The following SCAP variants were observed in gnomAD, a reference collection of about 807,000 sequenced individuals.
The protein encoded by SCAP is sterol regulatory element-binding protein cleavage-activating protein.
In SCAP, 65 loss-of-function variants were observed where a neutral mutation model predicts 123.6. The ratio of observed to expected loss-of-function variants is 0.53; its 90% CI spans 0.43 to 0.65. SCAP has a LOEUF of 0.65. SCAP is among the 30% of genes least tolerant of loss of function. The probability of loss-of-function intolerance (pLI) is 0.00; values close to 1 mark genes in which losing one functional copy is unlikely to be tolerated. For synonymous variants in SCAP, 740 were observed against 726.3 expected, an observed-to-expected ratio of 1.02 and a Z score of -0.30; for missense variants, 1,398 against 1,712.5, an observed-to-expected ratio of 0.82 and a Z score of 3.24.
chr3:47,415,347 CA>C (rs758423329), intron 18 of SCAP, among the ~76,000 whole-genome samples, 167 bp from the exon 19 acceptor site: 2 of 152,182 alleles, frequency 1.3e-5, no homozygotes, highest in Non-Finnish European at 1.5e-5. Context: ...AGGGCAACTC[CA>C]AATATTAACC....
chr3:47,473,138 T>A (rs572468674), intron 1 of SCAP, among the ~76,000 whole-genome samples: 1 of 140,126 alleles, frequency 7.1e-6, no homozygotes, highest in Non-Finnish European at 1.5e-5. Flanking sequence ...CATAAAAGGA[T>A]GGACTCTTTT....
intron 1 of SCAP, among the ~76,000 whole-genome samples, chr3:47,455,619 A>T (rs2107972454): frequency 6.6e-6 from 1 of 151,406 alleles, no homozygotes; most frequent in South Asian, 2.1e-4. Context: ...AAAAAAAAGA[A>T]ACCAAAAGAA....
intron 9 of SCAP, 162 bp from the exon 10 acceptor site, chr3:47,422,698 G>A (rs990700441): frequency 1.8e-6 from 1 of 564,390 alleles, no homozygotes; most frequent in African/African-American, 1.9e-5. Flanking sequence ...TCCTGCTAAT[G>A]CCCAGACTTT....
At position 47,445,874 on chromosome 3, in the gene SCAP, A is replaced by ATT. The variant is rs35996993; in HGVS notation, c.-98-2785_-98-2784dup. ...GTGTGAGCCACCACACCCTGTCTCAATTTTTTTTTTTTTTTTTTTTGAGAC... is the reference window on the plus strand; with the variant it reads ...GTGTGAGCCACCACACCCTGTCTCAATTTTTTTTTTTTTTTTTTTTTTGAGAC... On this transcript the variant is annotated intron_variant, in intron 1 of 22. Coordinates refer to ENST00000265565, the MANE Select transcript of SCAP (RefSeq NM_012235.4). 7.6e-4 allele frequency among the ~76,000 whole-genome samples: 93 copies of ATT among 122,720 alleles called. 1 individual carries two copies. Among genetic ancestry groups the ATT allele is most frequent in the African/African-American group, 2.0e-3 (64 of 32,630 alleles). The allele number at this position is 122,720 out of a possible 152,430, so 80.5% of individuals were successfully genotyped here.
rs1193827783 is a variant in SCAP at position 47,439,652 on chromosome 3, T to C, written c.122+3220A>G. 6.6e-6 allele frequency among the ~76,000 whole-genome samples: 1 copy of C among 152,172 alleles called. No individual in the cohort carries two copies. The highest frequency in any genetic ancestry group is 2.4e-5 in the African/African-American group (1 of 41,446). ...GTCTTGCTGGGCTGCTGCTGGGACA[T>C]ATCCTGGGCCCAGTGGTCTAACCTC... is the stretch of plus-strand genomic sequence containing the variant. On this transcript the variant is annotated intron_variant, in intron 2 of 22. Coordinates refer to ENST00000265565, the MANE Select transcript of SCAP (RefSeq NM_012235.4). The surrounding 1 kb of genome is among the most constrained non-coding windows in gnomAD (Gnocchi z 4.0).
At chr3:47,451,941 C>T (rs541665315) in intron 1 of SCAP, among the ~76,000 whole-genome samples, 2 of 151,994 alleles carry the variant, frequency 1.3e-5, no homozygotes, top group African/African-American at 4.8e-5. Flanking sequence ...ACCTCATTCC[C>T]ATCTCAGGGG....
intron 1 of SCAP, among the ~76,000 whole-genome samples, chr3:47,475,077 C>G (rs1708214370): frequency 6.6e-6 from 1 of 152,202 alleles, no homozygotes; most frequent in African/African-American, 2.4e-5. Context: ...ATTCACCTAG[C>G]TCCGACTGTC....
intron 8 of SCAP, among the ~76,000 whole-genome samples, chr3:47,424,285 C>T (rs1226769376): frequency 1.3e-5 from 2 of 152,242 alleles, no homozygotes; most frequent in Non-Finnish European, 2.9e-5. Flanking sequence ...CTGTCTCTAG[C>T]CATCCAGCAC....
chr3:47,427,357 G>A, intron 5 of SCAP, 90 bp downstream of exon 5: 1 of 1,553,808 alleles, frequency 6.4e-7, no homozygotes, highest in South Asian at 1.1e-5. Flanking sequence ...GGAAACAAAG[G>A]GTAAACCCTG....
Position 47,414,189 on chromosome 3 carries a change from G to T in SCAP, c.3585C>A (p.Ser1195=), listed in dbSNP as rs1253626875. The change falls in exon 22 of 23, where the codon TCC becomes TCA. Residue 1195 remains serine, a synonymous_variant. Coordinates refer to ENST00000265565, the MANE Select transcript of SCAP (RefSeq NM_012235.4). ...WDRSTGIKFY[S]IQQDLGCGAS... ...TCCCCATCCCCTCTACCTGCTGAAT[G>T]GAGTAGAACTTGATGCCTGTGCTGC... 4 of 1,613,728 alleles carry T rather than the reference G, an allele frequency of 2.5e-6. No individual in the cohort carries two copies. In the East Asian group the frequency reaches 6.7e-5, roughly 27 times the overall value.
chr3:47,443,765 A>G (rs542414666), intron 1 of SCAP, among the ~76,000 whole-genome samples: 87 of 152,280 alleles, frequency 5.7e-4, no homozygotes, highest in Middle Eastern at 3.4e-3. Flanking sequence ...GTCCCCTTCC[A>G]TAAGTTAACA....
At position 47,447,524 on chromosome 3, in the gene SCAP, C is replaced by T. The variant is rs528963104; in HGVS notation, c.-98-4433G>A. On this transcript the variant is annotated intron_variant, in intron 1 of 22. Transcript: ENST00000265565. ...CCAATATGGTGAAACCTCTTCTCTA[C>T]TAAAAATACCAAAATTGGCTGGGTG... 3.3e-5 allele frequency among the ~76,000 whole-genome samples: 5 copies of T among 151,812 alleles called. No homozygotes were observed. The South Asian group carries it at 1.0e-3, about 32-fold the overall frequency.
chr3:47,446,046 T>C (rs1707027903), intron 1 of SCAP, among the ~76,000 whole-genome samples: 1 of 151,450 alleles, frequency 6.6e-6, no homozygotes, highest in Non-Finnish European at 1.5e-5. Context: ...CAGCTAATTT[T>C]TGCATTCTTA....
In SCAP at chr3:47,420,725, T is replaced by C. The variant is rs777337058; in HGVS notation, c.1392A>G (p.Ser464=). ...GCGTTGGCTGTCCCACTGGCTTGGC[T>C]GAGGGCAGGCAGGCCTCAGGGGGCA... ...KRLPPEACLP[S]AKPVGQPTRY... Residue 464 remains serine, a synonymous_variant, in exon 12 of 23, where the codon TCA becomes TCG. Coordinates refer to ENST00000265565, the MANE Select transcript of SCAP (RefSeq NM_012235.4). This position sits in a 1 kb window ranked among gnomAD's most constrained non-coding sequence, Gnocchi z 5.0. 14 of 1,611,114 alleles carry C rather than the reference T, an allele frequency of 8.7e-6. No homozygotes were observed. Among genetic ancestry groups the C allele is most frequent in the Middle Eastern group, 2.1e-4 (1 of 4,658 alleles).
rs1708253649 is a variant in SCAP at position 47,475,854 on chromosome 3, GC to G, written c.-155del. 1 of 161,222 alleles carries G rather than the reference GC, an allele frequency of 6.2e-6. No homozygotes were observed. The highest frequency in any genetic ancestry group is 1.3e-5 in the Non-Finnish European group (1 of 75,110). The allele number at this position is 161,222 out of a possible 1,614,324, so 10.0% of individuals were successfully genotyped here. ...GGCGGCGGCGGCGGCGACGGGGGCG[GC>G]AGCAGGGGCGGAGCGCGGCGTGCGC... On this transcript the variant is annotated 5_prime_UTR_variant, in exon 1 of 23. Coordinates refer to ENST00000265565, the MANE Select transcript of SCAP (RefSeq NM_012235.4).
In SCAP at chr3:47,419,596, G is replaced by C; in HGVS notation, c.1672C>G (p.Leu558Val). The C allele has an allele frequency of 6.2e-7, 1 of 1,606,946 alleles. No individual in the cohort carries two copies. The highest frequency in any genetic ancestry group is 8.5e-7 in the Non-Finnish European group (1 of 1,175,946). ...CCACTAGGCACGGGCATGGGAGCCA[G>C]GGCTCCCTCACCCAATGGGCTCTGT... Reference protein sequence around the residue: ...TEQSPLGEGALAPMPVPSGML... With the variant: ...TEQSPLGEGAVAPMPVPSGML... The change falls in exon 13 of 23, where the codon CTG (leucine) becomes GTG (valine). Residue 558 changes from leucine (L) to valine (V), a missense_variant. By Grantham distance (32) the Leu-to-Val change is conservative. Transcript: ENST00000265565. The surrounding 1 kb of genome is among the most constrained non-coding windows in gnomAD (Gnocchi z 5.0).
At chr3:47,438,646 T>C (rs893994341) in intron 2 of SCAP, among the ~76,000 whole-genome samples, 4 of 152,036 alleles carry the variant, frequency 2.6e-5, no homozygotes, top group Admixed American at 6.5e-5. Context: ...AAACCCCGTC[T>C]TTACTAAAAA....
intron 2 of SCAP, among the ~76,000 whole-genome samples, chr3:47,437,422 CAAAAAA>C (rs35011639): frequency 6.3e-5 from 4 of 63,196 alleles, no homozygotes; most frequent in African/African-American, 1.4e-4. Context: ...AACTCAATCT[CAAAAAA>C]AAAAAAAAAA....
In SCAP at chr3:47,461,537, T is replaced by C. The variant is rs368067426; in HGVS notation, c.-99+14262A>G. Among the ~76,000 whole-genome samples the C allele has an allele frequency of 5.1e-4, 77 of 152,274 alleles. No homozygotes were observed. In the Middle Eastern group the frequency reaches 0.031, roughly 61 times the overall value. The stretch of plus-strand genomic sequence containing the variant: ...ACAGAAAGCTACCAGATTTCAGAGC[T>C]AGGAGAGATGGGATCCTCCAGCACA... On this transcript the variant is annotated intron_variant, in intron 1 of 22. Transcript: ENST00000265565.
Sources: allele counts gnomAD v4.1 joint callset (sites outside exome capture counted in the v4.1 genomes callset), GRCh38; gene constraint gnomAD v4.1.1; non-coding constraint Gnocchi (gnomAD v3.1); transcripts MANE v1.5; gene names NCBI Gene and HGNC (gene_info 2026-07-23, HGNC 2026-07-21).